Variants in MTA3 observed in about 807,000 individuals in gnomAD.
MTA3 encodes metastasis-associated protein MTA3.
MTA3 carries 34 observed loss-of-function variants against 83.5 expected under a neutral mutation model. That is an observed-to-expected ratio of 0.41 (90% CI 0.31 to 0.54). MTA3 has a LOEUF of 0.54. Among genes scored for constraint, MTA3 ranks in the 20% least tolerant of loss-of-function variants. MTA3 has a pLI of 0.33. For synonymous variants in MTA3, 303 were observed against 252.7 expected, an observed-to-expected ratio of 1.20 and a Z score of -1.89; for missense variants, 761 against 726.4, an observed-to-expected ratio of 1.05 and a Z score of -0.55.
chr2:42,744,506 C>T (rs771253239), intron 16 of MTA3, among the ~76,000 whole-genome samples: 1 of 152,132 alleles, frequency 6.6e-6, no homozygotes, highest in African/African-American at 2.4e-5. Context: ...TGCAGGTAAA[C>T]GATCTTTTTA....
chr2:42,496,032 A>G (rs1408667803), intron 2 of MTA3, among the ~76,000 whole-genome samples: 1 of 152,212 alleles, frequency 6.6e-6, no homozygotes, highest in Non-Finnish European at 1.5e-5. Flanking sequence ...TTCTAGAAGC[A>G]TCACAAGCAA....
rs192533086 is a variant in MTA3 at position 42,618,335 on chromosome 2, A to G, written c.317+8751A>G. On this transcript the variant is annotated intron_variant, in intron 4 of 16. Coordinates refer to ENST00000405094, the MANE Select transcript of MTA3 (RefSeq NM_001330442.2). The stretch of plus-strand genomic sequence containing the variant: ...AGACCTTTTTCTAACTTAGGGGAAC[A>G]TATTTCAAATATTTTTGTTACAGAA... 2.4e-4 allele frequency among the ~76,000 whole-genome samples: 37 copies of G among 152,304 alleles called. 1 individual carries two copies. The highest frequency in any genetic ancestry group is 2.0e-3 in the Admixed American group (31 of 15,288).
At chr2:42,716,697 G>A (rs1260775157) in intron 14 of MTA3, among the ~76,000 whole-genome samples, 1 of 152,192 alleles carries the variant, frequency 6.6e-6, no homozygotes, top group Admixed American at 6.5e-5. Flanking sequence ...GTTTCATGGT[G>A]TACATGTACC....
At chr2:42,593,153 A>C (rs2103948810) in intron 3 of MTA3, among the ~76,000 whole-genome samples, 1 of 131,006 alleles carries the variant, frequency 7.6e-6, no homozygotes, top group African/African-American at 3.0e-5. Context: ...GCTCTGTCTC[A>C]AAAAAAAAAA....
intron 12 of MTA3, among the ~76,000 whole-genome samples, chr2:42,706,238 C>A (rs1350573883): frequency 6.6e-6 from 1 of 151,872 alleles, no homozygotes; most frequent in Non-Finnish European, 1.5e-5. Context: ...AACTAACCTG[C>A]ACATTGTGCA....
chr2:42,541,760 C>A (rs570306278), intron 2 of MTA3, among the ~76,000 whole-genome samples: 30 of 152,312 alleles, frequency 2.0e-4, no homozygotes, highest in African/African-American at 7.2e-4. Flanking sequence ...CAGTATATCC[C>A]TTCCAGTCCT....
At chr2:42,547,035 TC>T (rs748593144) in intron 2 of MTA3, among the ~76,000 whole-genome samples, 1 of 152,004 alleles carries the variant, frequency 6.6e-6, no homozygotes, top group East Asian at 1.9e-4. Flanking sequence ...CTGCAGAGGT[TC>T]CCCCCACTAC....
intron 4 of MTA3, among the ~76,000 whole-genome samples, chr2:42,634,488 T>C (rs1354006248): frequency 6.6e-6 from 1 of 152,120 alleles, no homozygotes; most frequent in African/African-American, 2.4e-5. Context: ...CTGTCAAACA[T>C]GTATAAAACC....
At chr2:42,693,641 C>A (rs1387434349) in intron 9 of MTA3, among the ~76,000 whole-genome samples, 4 of 152,072 alleles carry the variant, frequency 2.6e-5, no homozygotes, top group African/African-American at 9.7e-5. Flanking sequence ...GATCACCCTT[C>A]AGGGCACTGG....
chr2:42,607,840 A>G (rs917952754), intron 3 of MTA3, among the ~76,000 whole-genome samples: 8 of 152,116 alleles, frequency 5.3e-5, no homozygotes, highest in Non-Finnish European at 8.8e-5. Context: ...AATCCCAGCT[A>G]CTCAGGAGGC....
At position 42,671,838 on chromosome 2, in the gene MTA3, C is replaced by T. The variant is rs543564808; in HGVS notation, c.703-10563C>T. On this transcript the variant is annotated intron_variant, in intron 8 of 16. Transcript: ENST00000405094. ...ATAGGATCCTCCCCAGTATTTTGCTCCCTGGGCCTTACTGACTCTGGCAAC... is the reference window on the plus strand; with the variant it reads ...ATAGGATCCTCCCCAGTATTTTGCTTCCTGGGCCTTACTGACTCTGGCAAC... Among the ~76,000 whole-genome samples the T allele has an allele frequency of 1.5e-4, 23 of 152,218 alleles. No homozygotes were observed. In the South Asian group the frequency reaches 4.4e-3, roughly 29 times the overall value.
At chr2:42,663,658 G>T (rs1324566156) in intron 8 of MTA3, among the ~76,000 whole-genome samples, 1 of 152,144 alleles carries the variant, frequency 6.6e-6, no homozygotes, top group Non-Finnish European at 1.5e-5. Flanking sequence ...CCAACTATTC[G>T]TGAGGCTGAG....
chr2:42,664,920 G>C (rs142811755), intron 8 of MTA3, among the ~76,000 whole-genome samples: 335 of 152,266 alleles, frequency 2.2e-3, no homozygotes, highest in South Asian at 5.2e-3. Flanking sequence ...TAAACTGTTT[G>C]CACATCAGTA....
intron 2 of MTA3, among the ~76,000 whole-genome samples, chr2:42,559,743 G>A (rs930069518): frequency 6.7e-6 from 1 of 148,304 alleles, no homozygotes; most frequent in Admixed American, 6.8e-5. Context: ...AGGCGTGGTA[G>A]CGCATGCCTG....
At position 42,707,997 on chromosome 2, in the gene MTA3, C is replaced by T. The variant is rs1288984651; in HGVS notation, c.1245C>T (p.Gly415=). 2 of 1,613,482 alleles carry T rather than the reference C, an allele frequency of 1.2e-6. No homozygotes were observed. The highest frequency in any genetic ancestry group is 2.7e-5 in the African/African-American group (2 of 74,894). Residue 415 remains glycine (G), a synonymous_variant, in exon 13 of 17, where the codon GGC becomes GGT. Transcript: ENST00000405094. The part of the protein sequence containing the change: ...ICWLYWKKYG[G]LKMPTQSEEE... The stretch of plus-strand genomic sequence containing the variant: ...GGCTTTATTGGAAAAAATATGGAGG[C>T]TTGAAAATGCCCACCCAGTCAGAAG...
intron 4 of MTA3, among the ~76,000 whole-genome samples, chr2:42,634,177 G>T (rs1054040882): frequency 6.6e-6 from 1 of 152,158 alleles, no homozygotes; most frequent in Admixed American, 6.5e-5. Flanking sequence ...ATGTCCACCA[G>T]TGGTGCCGAG....
chr2:42,513,686 G>A (rs146651370), intron 2 of MTA3, among the ~76,000 whole-genome samples: 118 of 152,332 alleles, frequency 7.7e-4, no homozygotes, highest in African/African-American at 2.6e-3. Context: ...GGGACATTTG[G>A]AAAACTAGAC....
At position 42,734,555 on chromosome 2, in the gene MTA3, T is replaced by C. The variant is rs976309122; in HGVS notation, c.1759+11520T>C. ...TTTGGTCCATTTACATTCAGTGTTATTGTTGATAAGTAATGACTTAATCCT... is the reference window on the plus strand; with the variant it reads ...TTTGGTCCATTTACATTCAGTGTTACTGTTGATAAGTAATGACTTAATCCT... On this transcript the variant is annotated intron_variant, in intron 16 of 16. Transcript: ENST00000405094. 5.3e-5 allele frequency among the ~76,000 whole-genome samples: 8 copies of C among 151,926 alleles called. No homozygotes were observed. In the South Asian group the frequency reaches 1.5e-3, roughly 28 times the overall value.
At chr2:42,549,320 ATAT>A (rs1676968912) in intron 2 of MTA3, among the ~76,000 whole-genome samples, 1 of 127,188 alleles carries the variant, frequency 7.9e-6, no homozygotes, top group Non-Finnish European at 1.6e-5. Context: ...AATATATAAT[ATAT>A]TATATACGTA....
Sources: allele counts gnomAD v4.1 joint callset (sites outside exome capture counted in the v4.1 genomes callset), GRCh38; gene constraint gnomAD v4.1.1; transcripts MANE v1.5; gene names NCBI Gene and HGNC (gene_info 2026-07-23, HGNC 2026-07-21).